Variants in PHACTR2 observed in about 807,000 individuals in gnomAD.
PHACTR2 encodes chromosome 6 open reading frame 56.
A neutral mutation model predicts 76.0 loss-of-function variants in PHACTR2; 30 were observed. The observed-to-expected ratio is 0.39, with a 90% confidence interval of 0.30 to 0.54. The LOEUF is 0.54. Ranked by LOEUF, PHACTR2 falls within the 20% of genes least tolerant of loss-of-function variation. The pLI is 0.61. For synonymous variants in PHACTR2, 292 were observed against 292.5 expected (o/e 1.00, Z 0.02); for missense variants, 696 against 781.1 (o/e 0.89, Z 1.30).
chr6:143,564,511 C>T (rs566351233), intron 1 of PHACTR2, among the ~76,000 whole-genome samples: 2 of 151,850 alleles, frequency 1.3e-5, no homozygotes, highest in Non-Finnish European at 2.9e-5. Context: ...ATTTTTAACA[C>T]CCATGCACAT....
intron 1 of PHACTR2, among the ~76,000 whole-genome samples, chr6:143,613,264 C>G (rs1355038442): frequency 6.6e-6 from 1 of 152,254 alleles, no homozygotes; most frequent in Non-Finnish European, 1.5e-5. Flanking sequence ...CGTGAGCCAC[C>G]GCGCCCGGCC....
intron 1 of PHACTR2, among the ~76,000 whole-genome samples, chr6:143,584,978 A>AT (rs1775611143): frequency 2.6e-5 from 2 of 77,820 alleles, no homozygotes; most frequent in African/African-American, 9.1e-5. Context: ...TCCTACCCAG[A>AT]TTAAAAAAAA....
At chr6:143,600,968 G>A (rs1426686194) in intron 1 of PHACTR2, among the ~76,000 whole-genome samples, 7 of 152,294 alleles carry the variant, frequency 4.6e-5, no homozygotes, top group Admixed American at 1.3e-4. Flanking sequence ...GCTACAATAC[G>A]AAAGACCTGA....
intron 1 of PHACTR2, among the ~76,000 whole-genome samples, chr6:143,686,384 A>G (rs1042299349): frequency 2.0e-5 from 3 of 151,676 alleles, no homozygotes; most frequent in African/African-American, 7.3e-5. Context: ...TAACATCAAC[A>G]TGTGAAAAGG....
chr6:143,752,309 T>C (rs1779200383), intron 3 of PHACTR2, among the ~76,000 whole-genome samples: 1 of 152,094 alleles, frequency 6.6e-6, no homozygotes, highest in South Asian at 2.1e-4. Flanking sequence ...AGTGGTTTTC[T>C]ATTTTGTTTG....
Position 143,772,444 on chromosome 6 carries a change from T to A in PHACTR2, c.1419T>A (p.Asp473Glu). The change falls in exon 7 of 13, where the codon GAT becomes GAA. Residue 473 changes from aspartate to glutamate, a missense_variant. Physicochemically the swap from Asp to Glu is conservative, Grantham distance 45. Transcript: ENST00000440869. The surrounding 1 kb of genome is among the most constrained non-coding windows in gnomAD (Gnocchi z 5.4). ...ATGAGGACGAAGACGAAGATGAGGA[T>A]GGCAGTGGAGAAAGTAAGACTGTTT... ...TDDEDEDEDE[D>E]GSGESALASK... The A allele has an allele frequency of 6.2e-7, 1 of 1,613,688 alleles. No homozygotes were observed. Among genetic ancestry groups the A allele is most frequent in the Non-Finnish European group, 8.5e-7 (1 of 1,179,700 alleles).
chr6:143,563,551 C>CAAAAAAAAAAAAAAAAAA (rs76587878), intron 1 of PHACTR2, among the ~76,000 whole-genome samples: 8 of 29,964 alleles, frequency 2.7e-4, no homozygotes, highest in African/African-American at 5.0e-4. Flanking sequence ...AACTCCGTCT[C>CAAAAAAAAAAAAAAAAAA]AAAAAAAAAA....
rs925298060 is a variant in PHACTR2 at position 143,616,138 on chromosome 6, TAGATAATTCCCA to T, written c.13+7818_13+7829del. Among the ~76,000 whole-genome samples the T allele has an allele frequency of 6.6e-6, 1 of 152,246 alleles. No individual in the cohort carries two copies. The highest frequency in any genetic ancestry group is 1.5e-5 in the Non-Finnish European group (1 of 68,042). On this transcript the variant is annotated intron_variant, in intron 1 of 11. Coordinates refer to the PHACTR2 transcript ENST00000305766. This position sits in a 1 kb window ranked among gnomAD's most constrained non-coding sequence, Gnocchi z 4.9. ...ATAGGTAGCTCTTTTATTATTTTTATAGATAATTCCCAACATCCAGCTATCTCCCCAAAATTA... is the reference window on the plus strand; with the variant it reads ...ATAGGTAGCTCTTTTATTATTTTTATACATCCAGCTATCTCCCCAAAATTA...
intron 2 of PHACTR2, among the ~76,000 whole-genome samples, chr6:143,729,075 T>C (rs990388570): frequency 6.6e-6 from 1 of 152,130 alleles, no homozygotes; most frequent in Non-Finnish European, 1.5e-5. Flanking sequence ...TGGGAGAAAA[T>C]ATTTGCAAAA....
intron 2 of PHACTR2, among the ~76,000 whole-genome samples, chr6:143,719,768 C>T (rs1778397334): frequency 6.7e-6 from 1 of 150,366 alleles, no homozygotes; most frequent in African/African-American, 2.5e-5. Context: ...AAAGGCCACA[C>T]AGCACATCTA....
At position 143,777,226 on chromosome 6, in the gene PHACTR2, T is replaced by G. The variant is rs371976032; in HGVS notation, c.1590-102T>G. ...TTTTGCAGCTTTAAAAATGGATTTTTATTTCTCAAAACATGAAAAATAGAG... is the reference window on the plus strand; with the variant it reads ...TTTTGCAGCTTTAAAAATGGATTTTGATTTCTCAAAACATGAAAAATAGAG... On this transcript the variant is annotated intron_variant, in intron 8 of 12. Coordinates refer to ENST00000440869, the MANE Select transcript of PHACTR2 (RefSeq NM_001100164.2). The surrounding 1 kb of genome is among the most constrained non-coding windows in gnomAD (Gnocchi z 4.6). 5.8e-5 allele frequency: 36 copies of G among 623,754 alleles called. No homozygotes were observed. Among genetic ancestry groups the G allele is most frequent in the South Asian group, 3.5e-4 (16 of 46,166 alleles). The allele number at this position is 623,754 out of a possible 1,614,324, so 38.6% of individuals were successfully genotyped here.
upstream of PHACTR2, among the ~76,000 whole-genome samples, chr6:143,605,463 T>C (rs1775859588): frequency 6.7e-6 from 1 of 149,612 alleles, no homozygotes; most frequent in Non-Finnish European, 1.5e-5. The surrounding 1 kb of genome is among the most constrained non-coding windows in gnomAD (Gnocchi z 5.0). Context: ...AGGGAGGGAG[T>C]GGATTCTCCC....
At chr6:143,686,170 C>T (rs1777516445) in intron 1 of PHACTR2, among the ~76,000 whole-genome samples, 1 of 148,730 alleles carries the variant, frequency 6.7e-6, no homozygotes, top group South Asian at 2.1e-4. Flanking sequence ...TACACTTAGA[C>T]CCAGTAGTTC....
At chr6:143,631,647 T>C (rs927445328) in intron 1 of PHACTR2, among the ~76,000 whole-genome samples, 1 of 152,304 alleles carries the variant, frequency 6.6e-6, no homozygotes. Flanking sequence ...GCTGAATTCT[T>C]AACCGATAAT....
In PHACTR2 at chr6:143,733,504, A is replaced by AAGTGCTGGATTTGGGGTG. The variant is rs533798849; in HGVS notation, c.215-15478_215-15461dup. 6.4e-4 allele frequency among the ~76,000 whole-genome samples: 97 copies of AAGTGCTGGATTTGGGGTG among 152,280 alleles called. No individual in the cohort carries two copies. The highest frequency in any genetic ancestry group is 6.8e-3 in the Middle Eastern group (2 of 294). ...TGCAAGTGAATCTTTTCGATTTGGA[A>AAGTGCTGGATTTGGGGTG]AGTGCTGGATTTGGGGTGAGGGGTA... On this transcript the variant is annotated intron_variant, in intron 2 of 12. Coordinates refer to ENST00000440869, the MANE Select transcript of PHACTR2 (RefSeq NM_001100164.2). The surrounding 1 kb of genome is among the most constrained non-coding windows in gnomAD (Gnocchi z 4.0).
rs952683055 is a variant in PHACTR2 at position 143,664,636 on chromosome 6, A to G, written c.14-47380A>G. Among the ~76,000 whole-genome samples, 4 of 152,150 alleles carry G rather than the reference A, an allele frequency of 2.6e-5. No homozygotes were observed. The highest frequency in any genetic ancestry group is 5.9e-5 in the Non-Finnish European group (4 of 68,030). Reference sequence around the variant, plus strand: ...TAGTACATATATCTTTCCCCGATCAAAATCAGGACTTTAACATACATGTTA... The same window carrying G: ...TAGTACATATATCTTTCCCCGATCAGAATCAGGACTTTAACATACATGTTA... On this transcript the variant is annotated intron_variant, in intron 1 of 11. Coordinates refer to the PHACTR2 transcript ENST00000305766. This position sits in a 1 kb window ranked among gnomAD's most constrained non-coding sequence, Gnocchi z 5.1.
Position 143,680,514 on chromosome 6 carries a change from C to A in PHACTR2, c.46+2305C>A, listed in dbSNP as rs995630971. On this transcript the variant is annotated intron_variant, in intron 1 of 12. Transcript: ENST00000440869. The surrounding 1 kb of genome is among the most constrained non-coding windows in gnomAD (Gnocchi z 4.5). ...ATCTTCATTATAGGCTAGAAGTTAG[C>A]TTGCTTTCCCCGTTTTGACTTTAGG... 6.6e-6 allele frequency among the ~76,000 whole-genome samples: 1 copy of A among 152,180 alleles called. No homozygotes were observed. Among genetic ancestry groups the A allele is most frequent in the African/African-American group, 2.4e-5 (1 of 41,444 alleles).
chr6:143,682,069 T>G (rs1015057422), intron 1 of PHACTR2, among the ~76,000 whole-genome samples: 1 of 152,252 alleles, frequency 6.6e-6, no homozygotes, highest in Non-Finnish European at 1.5e-5. Context: ...CATTTTCATA[T>G]GAATTTTGCA....
In PHACTR2 at chr6:143,599,261, T is replaced by G. The variant is rs180957615; in HGVS notation, c.217+62054T>G. ...AAAAATAAAACTACTAGATGGCAAG[T>G]GTACTTTCGTAGGAGAAAACTAAAC... On this transcript the variant is annotated intron_variant, in intron 1 of 11. Coordinates refer to the PHACTR2 transcript ENST00000367584. This position sits in a 1 kb window ranked among gnomAD's most constrained non-coding sequence, Gnocchi z 4.6. Among the ~76,000 whole-genome samples the G allele has an allele frequency of 2.4e-4, 37 of 152,300 alleles. No individual in the cohort carries two copies. Among genetic ancestry groups the G allele is most frequent in the Non-Finnish European group, 4.1e-4 (28 of 68,028 alleles).
Sources: gnomAD v4.1 joint callset for allele counts (sites outside exome capture counted in the v4.1 genomes callset) on GRCh38, gnomAD v4.1.1 for gene constraint, Gnocchi (gnomAD v3.1) non-coding constraint, MANE v1.5 for transcripts, NCBI Gene and HGNC (gene_info 2026-07-23, HGNC 2026-07-21) for gene names.